SPIDR: variants seen among roughly 807,000 people sequenced by gnomAD.
SPIDR encodes DNA repair-scaffolding protein.
SPIDR carries 93 observed loss-of-function variants against 104.6 expected under a neutral mutation model. The ratio of observed to expected loss-of-function variants is 0.89; its 90% CI spans 0.75 to 1.06. SPIDR has a LOEUF of 1.06. Ranked by LOEUF, SPIDR falls within the 50% of genes least tolerant of loss-of-function variation. The pLI is 0.00. For synonymous variants in SPIDR, 431 were observed against 416.9 expected (o/e 1.03, Z -0.41); for missense variants, 1,154 against 1,111.2 (o/e 1.04, Z -0.55).
At chr8:47,362,482 A>G (rs530787306) in intron 5 of SPIDR, among the ~76,000 whole-genome samples, 6 of 152,162 alleles carry the variant, frequency 3.9e-5, no homozygotes, top group African/African-American at 1.2e-4. Context: ...ACCACACATC[A>G]CTACACATTG....
At chr8:47,401,979 C>T (rs868982544) in intron 6 of SPIDR, among the ~76,000 whole-genome samples, 7 of 152,194 alleles carry the variant, frequency 4.6e-5, no homozygotes, top group African/African-American at 1.7e-4. Flanking sequence ...CTGCACCTAG[C>T]AGACCTAATA....
intron 5 of SPIDR, among the ~76,000 whole-genome samples, chr8:47,331,563 G>A (rs2048668207): frequency 6.6e-6 from 1 of 152,200 alleles, no homozygotes; most frequent in Non-Finnish European, 1.5e-5. Flanking sequence ...AATGGAGCTT[G>A]TAGAACTGAA....
chr8:47,649,984 G>A (rs774738372), intron 10 of SPIDR, among the ~76,000 whole-genome samples: 15 of 152,036 alleles, frequency 9.9e-5, no homozygotes, highest in South Asian at 2.1e-4. Context: ...CGTATATGAC[G>A]AACCCACAGC....
intron 15 of SPIDR, 81 bp from the exon 16 acceptor site, chr8:47,713,408 G>T (rs1408876528): frequency 6.3e-7 from 1 of 1,588,622 alleles, no homozygotes; most frequent in African/African-American, 1.3e-5. Flanking sequence ...TGACTCGAGG[G>T]GTAGCAAAGG....
intron 5 of SPIDR, among the ~76,000 whole-genome samples, chr8:47,390,049 G>T (rs533564542): frequency 1.3e-5 from 2 of 152,238 alleles, no homozygotes; most frequent in South Asian, 4.1e-4. Flanking sequence ...AATGATCTGG[G>T]ATGTGCACAC....
intron 10 of SPIDR, among the ~76,000 whole-genome samples, chr8:47,626,040 A>T (rs2066037661): frequency 6.6e-6 from 1 of 152,210 alleles, no homozygotes; most frequent in Admixed American, 6.5e-5. Context: ...CAAAACAGAG[A>T]TATAGACCAA....
intron 5 of SPIDR, among the ~76,000 whole-genome samples, chr8:47,345,548 T>C (rs2051776875): frequency 6.6e-6 from 1 of 152,230 alleles, no homozygotes. Flanking sequence ...ATAAATTACC[T>C]TGGGCATTAT....
At chr8:47,515,976 A>G (rs1334854408) in intron 8 of SPIDR, among the ~76,000 whole-genome samples, 1 of 152,096 alleles carries the variant, frequency 6.6e-6, no homozygotes, top group Non-Finnish European at 1.5e-5. Context: ...CACCAGCCTA[A>G]TTTTTTGTAT....
intron 10 of SPIDR, among the ~76,000 whole-genome samples, chr8:47,639,284 A>C (rs1242978233): frequency 6.6e-6 from 1 of 152,218 alleles, no homozygotes; most frequent in East Asian, 1.9e-4. Context: ...CATTATAAAA[A>C]GTGTTTTGTT....
chr8:47,710,919 A>G (rs2081787884), intron 14 of SPIDR, among the ~76,000 whole-genome samples: 1 of 151,808 alleles, frequency 6.6e-6, no homozygotes, highest in Non-Finnish European at 1.5e-5. Flanking sequence ...AGCTGGGACT[A>G]CAGGCACTCG....
chr8:47,414,674 G>A (rs1368185207), intron 7 of SPIDR, among the ~76,000 whole-genome samples: 1 of 152,042 alleles, frequency 6.6e-6, no homozygotes, highest in Non-Finnish European at 1.5e-5. Context: ...TTATATTGCT[G>A]GGTACTATTG....
intron 5 of SPIDR, among the ~76,000 whole-genome samples, chr8:47,334,785 A>T (rs545048080): frequency 6.6e-6 from 1 of 152,092 alleles, no homozygotes; most frequent in South Asian, 2.1e-4. Flanking sequence ...TATCTACCAT[A>T]TTTGTTACTG....
At chr8:47,484,330 C>A (rs1448264763) in intron 8 of SPIDR, among the ~76,000 whole-genome samples, 2 of 152,256 alleles carry the variant, frequency 1.3e-5, no homozygotes, top group African/African-American at 4.8e-5. Context: ...GCAGATCCCA[C>A]TGCTCTTCGC....
intron 10 of SPIDR, among the ~76,000 whole-genome samples, chr8:47,658,832 A>G (rs1000506177): frequency 2.0e-5 from 3 of 150,596 alleles, no homozygotes; most frequent in Non-Finnish European, 4.4e-5. Context: ...GCTACTCAGG[A>G]GGCTAAGGCA....
chr8:47,399,317 C>T (rs1341786679), intron 6 of SPIDR, among the ~76,000 whole-genome samples: 1 of 152,146 alleles, frequency 6.6e-6, no homozygotes, highest in Non-Finnish European at 1.5e-5. Flanking sequence ...GCGGGCAGCA[C>T]CCATGCAGGT....
At chr8:47,548,375 T>C (rs968681424) in intron 8 of SPIDR, among the ~76,000 whole-genome samples, 1 of 152,206 alleles carries the variant, frequency 6.6e-6, no homozygotes, top group Admixed American at 6.5e-5. Flanking sequence ...TGGCTGAATG[T>C]GGTGGCTCAC....
At chr8:47,404,767 G>A (rs1301806994) in intron 6 of SPIDR, among the ~76,000 whole-genome samples, 23 of 152,058 alleles carry the variant, frequency 1.5e-4, no homozygotes, top group Non-Finnish European at 2.4e-4. Context: ...ACTGTAAACT[G>A]GTTCAACCAT....
At chr8:47,338,902 C>T (rs2050239757) in intron 5 of SPIDR, among the ~76,000 whole-genome samples, 1 of 152,042 alleles carries the variant, frequency 6.6e-6, no homozygotes, top group South Asian at 2.1e-4. Context: ...CGTCTTTCAG[C>T]CTAAATGGCT....
At chr8:47,465,470 A>T (rs2074617721) in intron 8 of SPIDR, among the ~76,000 whole-genome samples, 1 of 152,166 alleles carries the variant, frequency 6.6e-6, no homozygotes, top group Non-Finnish European at 1.5e-5. Context: ...ACGTGGCTCA[A>T]GCCTGTAATC....
Sources: gnomAD v4.1 joint callset for allele counts (sites outside exome capture counted in the v4.1 genomes callset) on GRCh38, gnomAD v4.1.1 for gene constraint, MANE v1.5 for transcripts, NCBI Gene and HGNC (gene_info 2026-07-23, HGNC 2026-07-21) for gene names.